The following PRUNE2 variants were observed in gnomAD, a reference collection of about 807,000 sequenced individuals.
The protein encoded by PRUNE2 is prune homolog 2 with BCH domain, also known as protein prune homolog 2.
A neutral mutation model predicts 252.0 loss-of-function variants in PRUNE2; 164 were observed. The observed-to-expected ratio is 0.65, with a 90% CI of 0.57 to 0.74. The LOEUF (loss-of-function observed/expected upper bound fraction) is 0.74, where lower values mean the gene tolerates loss of function less well. Ranked by LOEUF, PRUNE2 falls within the 30% of genes least tolerant of loss-of-function variation. PRUNE2 has a pLI of 0.00. For synonymous variants in PRUNE2, 1,292 were observed against 1,350.2 expected (o/e 0.96, Z 0.94); for missense variants, 3,495 against 3,711.0 (o/e 0.94, Z 1.51).
At chr9:76,897,792 A>G (rs774983090) in intron 1 of PRUNE2, among the ~76,000 whole-genome samples, 4 of 152,270 alleles carry the variant, frequency 2.6e-5, no homozygotes, top group Non-Finnish European at 4.4e-5. Context: ...TTACAAGACC[A>G]TTGTGGGAGT....
chr9:76,869,941 T>A (rs1212780626), intron 1 of PRUNE2, among the ~76,000 whole-genome samples: 1 of 152,248 alleles, frequency 6.6e-6, no homozygotes, highest in Non-Finnish European at 1.5e-5. Flanking sequence ...ATTTTTGTAA[T>A]TTTAAGGGAG....
intron 17 of PRUNE2, 30 bp downstream of exon 17, chr9:76,624,422 G>A: frequency 7.2e-7 from 1 of 1,388,034 alleles, no homozygotes; most frequent in East Asian, 2.7e-5. Flanking sequence ...CCAACATCAT[G>A]CCAGCCGCTA....
chr9:76,854,623 C>T (rs777763487), intron 1 of PRUNE2, among the ~76,000 whole-genome samples: 3 of 152,042 alleles, frequency 2.0e-5, no homozygotes, highest in Non-Finnish European at 4.4e-5. Context: ...CATAAGCAAA[C>T]AGACACAGAG....
At chr9:76,809,346 G>A (rs772477816) in intron 6 of PRUNE2, among the ~76,000 whole-genome samples, 12 of 152,150 alleles carry the variant, frequency 7.9e-5, no homozygotes, top group Non-Finnish European at 1.5e-4. Context: ...ATTGGGAGGG[G>A]GAGCTGCATG....
At chr9:76,768,223 C>T (rs1292891364) in intron 6 of PRUNE2, among the ~76,000 whole-genome samples, 2 of 151,686 alleles carry the variant, frequency 1.3e-5, no homozygotes, top group African/African-American at 2.4e-5. Flanking sequence ...GATGGATTCT[C>T]GCTCTGTCGC....
At chr9:76,649,915 G>A (rs1846683680) in intron 11 of PRUNE2, among the ~76,000 whole-genome samples, 1 of 148,360 alleles carries the variant, frequency 6.7e-6, no homozygotes, top group Non-Finnish European at 1.5e-5. Flanking sequence ...AAAACCTTTA[G>A]GCATTTGGTA....
intron 6 of PRUNE2, chr9:76,760,153 C>T (rs2051560725): frequency 6.6e-6 from 1 of 152,300 alleles, no homozygotes; most frequent in Non-Finnish European, 1.5e-5. Context: ...CTGCCTTCCT[C>T]TTCCCTGGGT....
At chr9:76,720,657 T>C (rs58239780) in intron 6 of PRUNE2, among the ~76,000 whole-genome samples, 1,727 of 152,188 alleles carry the variant, frequency 0.011, 33 homozygotes, top group East Asian at 0.085. Flanking sequence ...ATCTGATTCA[T>C]AGAAAGTACT....
At chr9:76,739,747 A>C (rs7859406) in intron 6 of PRUNE2, 2 of 151,972 alleles carry the variant, frequency 1.3e-5, no homozygotes, top group Non-Finnish European at 1.5e-5. Flanking sequence ...TTAGATTTCA[A>C]AATTGTAGAT....
chr9:76,614,335 T>A lies in PRUNE2; in HGVS notation c.*235A>T, dbSNP rs1828412436. On this transcript the variant is annotated 3_prime_UTR_variant, in exon 19 of 19. Coordinates refer to ENST00000376718, the MANE Select transcript of PRUNE2 (RefSeq NM_015225.3). ...ATTGAAATGGAAGGTCCTACTTTCT[T>A]GCTAAGGCTCAACTAAAATCTTTGA... is the stretch of plus-strand genomic sequence containing the variant. The A allele has an allele frequency of 1.8e-6, 1 of 569,494 alleles. No individual in the cohort carries two copies. Among genetic ancestry groups the A allele is most frequent in the Non-Finnish European group, 3.1e-6 (1 of 324,118 alleles). 35.3% of individuals were successfully genotyped at this position (569,494 alleles called of 1,614,324 possible). A position where few individuals can be genotyped will look rare whatever the true frequency, so the allele number is the denominator to read the frequency against.
chr9:76,686,744 C>T (rs1428281040), intron 9 of PRUNE2, among the ~76,000 whole-genome samples: 1 of 152,166 alleles, frequency 6.6e-6, no homozygotes, highest in African/African-American at 2.4e-5. Flanking sequence ...GTATGTGCCA[C>T]CATGCCCAGC....
intron 9 of PRUNE2, among the ~76,000 whole-genome samples, chr9:76,663,374 A>T (rs1334300126): frequency 2.0e-5 from 3 of 152,236 alleles, no homozygotes; most frequent in Admixed American, 2.0e-4. Context: ...CTGACTGCAC[A>T]CAGTAGGAAG....
chr9:76,760,401 T>C (rs1435294828), intron 6 of PRUNE2, among the ~76,000 whole-genome samples: 1 of 152,204 alleles, frequency 6.6e-6, no homozygotes, highest in Admixed American at 6.5e-5. Context: ...ACCCTTGATA[T>C]CACTGCTCCC....
chr9:76,826,157 G>C (rs1402095532), intron 5 of PRUNE2, among the ~76,000 whole-genome samples: 2 of 152,312 alleles, frequency 1.3e-5, no homozygotes, highest in East Asian at 3.9e-4. Flanking sequence ...ACAAGCAATA[G>C]GAAGAAGGTG....
intron 1 of PRUNE2, among the ~76,000 whole-genome samples, chr9:76,869,599 A>T (rs1363007330): frequency 6.6e-6 from 1 of 152,254 alleles, no homozygotes; most frequent in Non-Finnish European, 1.5e-5. Context: ...TGCAATAGAA[A>T]GTAAATGCAG....
In PRUNE2 at chr9:76,662,703, G is replaced by A. The variant is rs149533779; in HGVS notation, c.8277-7201C>T. On this transcript the variant is annotated intron_variant, in intron 9 of 18. Transcript: ENST00000376718. ...CAGGAATAACCACTTTTACAAGATTGGCCACTGAAATATATACCTCCATAA... is the reference window on the plus strand; with the variant it reads ...CAGGAATAACCACTTTTACAAGATTAGCCACTGAAATATATACCTCCATAA... Among the ~76,000 whole-genome samples, 235 of 152,246 alleles carry A rather than the reference G, an allele frequency of 1.5e-3. 1 individual carries two copies. Among genetic ancestry groups the A allele is most frequent in the African/African-American group, 5.4e-3 (223 of 41,530 alleles).
chr9:76,698,835 A>G (rs2134650398), intron 9 of PRUNE2, among the ~76,000 whole-genome samples: 1 of 152,320 alleles, frequency 6.6e-6, no homozygotes, highest in Middle Eastern at 3.4e-3. Context: ...TACTAATTTA[A>G]AAAGAAAAGA....
chr9:76,881,758 A>C (rs76959028), intron 1 of PRUNE2, among the ~76,000 whole-genome samples: 1 of 151,994 alleles, frequency 6.6e-6, no homozygotes, highest in Non-Finnish European at 1.5e-5. Flanking sequence ...AGTAGCTGGG[A>C]CTACAGGCAT....
chr9:76,672,390 A>C (rs1181289372), intron 9 of PRUNE2, among the ~76,000 whole-genome samples: 99 of 125,002 alleles, frequency 7.9e-4, no homozygotes, highest in African/African-American at 2.1e-3. Context: ...CAGGAGCACC[A>C]AGATTCATAA....
Sources: allele counts gnomAD v4.1 joint callset (sites outside exome capture counted in the v4.1 genomes callset), GRCh38; gene constraint gnomAD v4.1.1; transcripts MANE v1.5; gene names NCBI Gene and HGNC (gene_info 2026-07-23, HGNC 2026-07-21).